KLF8: variants seen among roughly 807,000 people sequenced by gnomAD.
The protein encoded by KLF8 is KLF transcription factor 8.
In KLF8, 10 loss-of-function variants were observed where a neutral mutation model predicts 18.2. The observed-to-expected ratio is 0.55, with a 90% confidence interval of 0.34 to 0.93. The LOEUF (loss-of-function observed/expected upper bound fraction) is 0.93, where lower values mean the gene tolerates loss of function less well. KLF8 is among the 40% of genes least tolerant of loss of function. KLF8 has a pLI of 0.02. For synonymous variants in KLF8, 109 were observed against 97.3 expected, an observed-to-expected ratio of 1.12 and a Z score of -0.71; for missense variants, 264 against 277.9, an observed-to-expected ratio of 0.95 and a Z score of 0.36.
At chrX:56,191,454 T>C in the KLF8 span, among the ~76,000 whole-genome samples, 1 of 111,764 alleles carries the variant, frequency 8.9e-6, no homozygotes, top group African/African-American at 3.2e-5. Flanking sequence ...TCCAAACTTA[T>C]TCCATGAGGC....
the KLF8 span, among the ~76,000 whole-genome samples, chrX:56,038,272 A>C: frequency 8.9e-6 from 1 of 111,804 alleles, no homozygotes; most frequent in South Asian, 3.8e-4. Context: ...GATCCGTTAC[A>C]TAAGTAAACA....
chrX:56,130,688 C>T, the KLF8 span, among the ~76,000 whole-genome samples: 1 of 111,721 alleles, frequency 9.0e-6, no homozygotes. Context: ...AGAATTCAGA[C>T]TGTCAATTAT....
At chrX:56,134,534 A>G in the KLF8 span, among the ~76,000 whole-genome samples, 2 of 112,078 alleles carry the variant, frequency 1.8e-5, no homozygotes, top group Non-Finnish European at 3.8e-5. Context: ...ACTTAAATGT[A>G]AGACCTGAAA....
chrX:56,255,474 T>A (rs928163821), intron 2 of KLF8, among the ~76,000 whole-genome samples: 1 of 112,554 alleles, frequency 8.9e-6, no homozygotes, highest in African/African-American at 3.2e-5. Flanking sequence ...ACAATGGGCA[T>A]CCTTGACATG....
At chrX:56,107,444 G>C in the KLF8 span, among the ~76,000 whole-genome samples, 34 of 111,593 alleles carry the variant, frequency 3.0e-4, no homozygotes, top group African/African-American at 1.1e-3. Flanking sequence ...CCCTCTCCTA[G>C]CCAGGCTGCA....
chrX:56,083,820 A>G, the KLF8 span, among the ~76,000 whole-genome samples: 1 of 111,470 alleles, frequency 9.0e-6, no homozygotes, highest in African/African-American at 3.3e-5. Flanking sequence ...TCTATGTTGC[A>G]GGCTCCTTAT....
the KLF8 span, among the ~76,000 whole-genome samples, chrX:56,121,143 G>A: frequency 3.2e-3 from 299 of 94,661 alleles, 1 homozygote; most frequent in Non-Finnish European, 4.0e-3. Context: ...CCGAGATCCC[G>A]CCACTGCACT....
At chrX:55,952,277 C>T in the KLF8 span, among the ~76,000 whole-genome samples, 2 of 112,180 alleles carry the variant, frequency 1.8e-5, no homozygotes, top group Non-Finnish European at 3.8e-5. Flanking sequence ...AGACTCCAAT[C>T]ACTTATTCAT....
chrX:56,144,116 G>A, the KLF8 span, among the ~76,000 whole-genome samples: 1 of 111,760 alleles, frequency 8.9e-6, no homozygotes, highest in Non-Finnish European at 1.9e-5. Context: ...GGGGCAACTG[G>A]ATATCCCCAT....
rs765779074 is a variant in KLF8, at chrX:56,265,165, GTTTA to G, written c.82-6_82-3del. ...ACACTGACTTATGCATCTCTCATTT[GTTTA>G]TTTATTTAAGGTCACTGCTTCTGTT... On this transcript the variant is annotated splice_polypyrimidine_tract_variant and intron_variant, in intron 2 of 5. Transcript: ENST00000468660. 5.1e-6 allele frequency: 6 copies of G among 1,171,302 alleles called. No individual in the cohort carries two copies. The African/African-American group carries it at 5.4e-5, about 10-fold the overall frequency.
the KLF8 span, among the ~76,000 whole-genome samples, chrX:56,114,289 G>T: frequency 8.9e-6 from 1 of 112,366 alleles, no homozygotes; most frequent in Non-Finnish European, 1.9e-5. Context: ...GTCATCTTAG[G>T]CCATCTCCAG....
At chrX:56,026,944 G>A in the KLF8 span, among the ~76,000 whole-genome samples, 2 of 112,801 alleles carry the variant, frequency 1.8e-5, no homozygotes, top group African/African-American at 6.4e-5. Context: ...GAGGGGTCTT[G>A]CTTTGCATTG....
upstream of KLF8, among the ~76,000 whole-genome samples, chrX:56,228,461 A>T (rs1369572802): frequency 1.8e-5 from 2 of 112,220 alleles, 1 homozygote; most frequent in Middle Eastern, 9.2e-3. Context: ...CTGTAAAGCC[A>T]CCTCTGCATC....
At chrX:56,194,172 C>T in the KLF8 span, among the ~76,000 whole-genome samples, 1 of 111,046 alleles carries the variant, frequency 9.0e-6, no homozygotes, top group Admixed American at 9.6e-5. Context: ...GTGATTTCTG[C>T]ATTTCCAACT....
the KLF8 span, among the ~76,000 whole-genome samples, chrX:55,925,171 ATTTTTTT>A: frequency 1.4e-5 from 1 of 70,034 alleles, no homozygotes; most frequent in Non-Finnish European, 2.6e-5. Context: ...TGGTGGTTTC[ATTTTTTT>A]TTTTTTTTTT....
At chrX:56,014,771 T>A in the KLF8 span, 1 of 109,068 alleles carries the variant, frequency 9.2e-6, no homozygotes, top group Non-Finnish European at 1.9e-5. Context: ...ATGTGGTACA[T>A]GTACACCATA....
the KLF8 span, among the ~76,000 whole-genome samples, chrX:55,919,371 C>A: frequency 9.0e-6 from 1 of 111,673 alleles, no homozygotes; most frequent in East Asian, 2.8e-4. Flanking sequence ...CAAGAAAATC[C>A]AGAGATCCTT....
the KLF8 span, among the ~76,000 whole-genome samples, chrX:56,084,286 C>A: frequency 1.2e-4 from 13 of 110,250 alleles, no homozygotes; most frequent in South Asian, 3.9e-4. Flanking sequence ...GGGAGGCTGC[C>A]GTGGGAGGAT....
the KLF8 span, among the ~76,000 whole-genome samples, chrX:55,970,348 G>GA: frequency 1.1e-4 from 12 of 109,586 alleles, no homozygotes; most frequent in African/African-American, 2.6e-4. Context: ...AATTGATGCT[G>GA]AAAAAAAAAT....
Sources: allele counts gnomAD v4.1 joint callset (sites outside exome capture counted in the v4.1 genomes callset), GRCh38; gene constraint gnomAD v4.1.1; transcripts MANE v1.5; gene names NCBI Gene and HGNC (gene_info 2026-07-23, HGNC 2026-07-21).